Variants in DPH6 observed in about 807,000 individuals in gnomAD.
DPH6 encodes diphthine--ammonia ligase.
In DPH6, 33 loss-of-function variants were observed where a neutral mutation model predicts 38.2. That is an observed-to-expected ratio of 0.86 (90% CI 0.65 to 1.15). The LOEUF (loss-of-function observed/expected upper bound fraction) is 1.15, where lower values mean the gene tolerates loss of function less well. Among genes scored for constraint, DPH6 ranks in the 50% most tolerant of loss-of-function variants. The probability of loss-of-function intolerance (pLI) is 0.00; values close to 1 mark genes in which losing one functional copy is unlikely to be tolerated. For missense variants in DPH6, 325 were observed against 320.0 expected (o/e 1.02, Z -0.12); for synonymous variants, 108 against 103.0 (o/e 1.05, Z -0.30).
At chr15:35,436,609 G>A (rs1311009515) in intron 5 of DPH6, among the ~76,000 whole-genome samples, 1 of 151,848 alleles carries the variant, frequency 6.6e-6, no homozygotes, top group Non-Finnish European at 1.5e-5. Flanking sequence ...TCCTGTTGGA[G>A]AAATCCATTT....
intron 3 of DPH6, among the ~76,000 whole-genome samples, chr15:35,325,387 A>G (rs2052274129): frequency 6.6e-6 from 1 of 152,210 alleles, no homozygotes; most frequent in Non-Finnish European, 1.5e-5. Context: ...AATTAGACCA[A>G]GGGAACAGAT....
intron 6 of DPH6, among the ~76,000 whole-genome samples, chr15:35,404,775 G>A (rs1390013780): frequency 6.6e-6 from 1 of 151,920 alleles, no homozygotes; most frequent in East Asian, 1.9e-4. Flanking sequence ...GTTGGGGGGT[G>A]GTATTACTCA....
chr15:35,363,393 A>G, intron 3 of DPH6, among the ~76,000 whole-genome samples: 1 of 152,178 alleles, frequency 6.6e-6, no homozygotes, highest in Non-Finnish European at 1.5e-5. Context: ...GTACTTTACA[A>G]TAATGCTTTT....
chr15:35,300,002 T>A (rs1385924805), intron 3 of DPH6, among the ~76,000 whole-genome samples: 1 of 152,082 alleles, frequency 6.6e-6, no homozygotes, highest in Non-Finnish European at 1.5e-5. Flanking sequence ...CTAGGGCAGT[T>A]TGGATGAGTG....
rs111481052 is a variant in DPH6 at position 35,311,082 on chromosome 15, A to ACAAC, written n.200+62438_200+62439insGTTG. ...CTCAAAAACAACAACAACAACAACA[A>ACAAC]AAAAAAAAACCCAAAAAAACCAGAT... On this transcript the variant is annotated intron_variant and non_coding_transcript_variant, in intron 3 of 3. Transcript: ENST00000560386. Among the ~76,000 whole-genome samples, 217 of 148,190 alleles carry ACAAC rather than the reference A, an allele frequency of 1.5e-3. 1 individual carries two copies. The highest frequency in any genetic ancestry group is 5.3e-3 in the African/African-American group (211 of 40,126).
At chr15:35,153,301 T>C in the DPH6 span, among the ~76,000 whole-genome samples, 1 of 152,160 alleles carries the variant, frequency 6.6e-6, no homozygotes. Flanking sequence ...CATAAAAACA[T>C]AAATTTACAA....
intron 3 of DPH6, among the ~76,000 whole-genome samples, chr15:35,333,093 TAAA>T (rs34059551): frequency 2.9e-5 from 4 of 140,098 alleles, no homozygotes; most frequent in Admixed American, 7.1e-5. Flanking sequence ...ATCAGGAAGC[TAAA>T]AAAAAAAAAA....
chr15:35,382,298 T>C (rs1252395971), intron 6 of DPH6, among the ~76,000 whole-genome samples: 1 of 151,436 alleles, frequency 6.6e-6, no homozygotes, highest in East Asian at 1.9e-4. Context: ...TAGCCGGGCA[T>C]GGTGGTGGGC....
At chr15:35,308,221 A>G (rs545815667) in intron 3 of DPH6, among the ~76,000 whole-genome samples, 2 of 152,282 alleles carry the variant, frequency 1.3e-5, no homozygotes, top group African/African-American at 4.8e-5. Context: ...GTCAGCTATG[A>G]TCCTGTCACT....
chr15:35,343,227 G>A (rs994943552), intron 3 of DPH6, among the ~76,000 whole-genome samples: 2 of 152,046 alleles, frequency 1.3e-5, no homozygotes, highest in Non-Finnish European at 2.9e-5. Flanking sequence ...TATCTTATCT[G>A]TATTTGTGCC....
chr15:35,286,922 GTAAGCACTTTTCC>G (rs1334571384), intron 3 of DPH6, among the ~76,000 whole-genome samples: 1 of 152,148 alleles, frequency 6.6e-6, no homozygotes, highest in Non-Finnish European at 1.5e-5. Context: ...ATCTGTCACT[GTAAGCACTTTTCC>G]TCTGAGGAAA....
At chr15:35,415,163 A>G (rs1340831374) in intron 5 of DPH6, among the ~76,000 whole-genome samples, 3 of 151,944 alleles carry the variant, frequency 2.0e-5, no homozygotes, top group Non-Finnish European at 4.4e-5. Flanking sequence ...TATGACTGCC[A>G]TGGGTTTGGG....
intron 3 of DPH6, among the ~76,000 whole-genome samples, chr15:35,277,730 C>T (rs556975619): frequency 1.4e-4 from 22 of 152,068 alleles, no homozygotes; most frequent in Non-Finnish European, 2.5e-4. Flanking sequence ...ACTGGGAACG[C>T]GAGTAAAGGT....
chr15:35,246,207 AC>A (rs1160327458), intron 3 of DPH6, among the ~76,000 whole-genome samples: 2 of 152,172 alleles, frequency 1.3e-5, no homozygotes, highest in African/African-American at 4.8e-5. Context: ...AAAAAGCTTT[AC>A]TGCTCACACA....
intron 5 of DPH6, among the ~76,000 whole-genome samples, chr15:35,448,240 G>C (rs2053882596): frequency 6.6e-6 from 1 of 152,022 alleles, no homozygotes; most frequent in African/African-American, 2.4e-5. Context: ...AAAGATTATA[G>C]AAGTTCTTTC....
rs749994653 is a variant in DPH6, at chr15:35,421,691, A to G, written c.506-10795T>C. ...CGAGTAGAGAGTGTCTGAAGGTGGA[A>G]GAGTTGAAGCTAAAAATGTAGACAA... On this transcript the variant is annotated intron_variant, in intron 5 of 8. Coordinates refer to ENST00000256538, the MANE Select transcript of DPH6 (RefSeq NM_080650.4). Among the ~76,000 whole-genome samples, 28 of 152,130 alleles carry G rather than the reference A, an allele frequency of 1.8e-4. 1 individual carries two copies. The highest frequency in any genetic ancestry group is 1.0e-3 in the South Asian group (5 of 4,834).
intron 3 of DPH6, among the ~76,000 whole-genome samples, chr15:35,250,008 A>T (rs1362027612): frequency 8.7e-5 from 3 of 34,672 alleles, no homozygotes; most frequent in Non-Finnish European, 8.2e-4. Flanking sequence ...CTAAAAATAT[A>T]AAAAAAAATT....
At chr15:35,243,928 A>C (rs78451250) in intron 3 of DPH6, among the ~76,000 whole-genome samples, 4,856 of 152,294 alleles carry the variant, frequency 0.032, 261 homozygotes, top group African/African-American at 0.11. Context: ...CAGCTAATGT[A>C]GTATCTTGCA....
intron 3 of DPH6, among the ~76,000 whole-genome samples, chr15:35,255,216 C>T (rs899448081): frequency 7.2e-5 from 11 of 152,218 alleles, no homozygotes; most frequent in South Asian, 4.2e-4. Flanking sequence ...ACCATTATGA[C>T]GACATATTTA....
Sources: allele counts gnomAD v4.1 joint callset (sites outside exome capture counted in the v4.1 genomes callset), GRCh38; gene constraint gnomAD v4.1.1; transcripts MANE v1.5; gene names NCBI Gene and HGNC (gene_info 2026-07-23, HGNC 2026-07-21).